NKAIN2: variants seen among roughly 807,000 people sequenced by gnomAD.
NKAIN2 encodes the protein sodium/potassium transporting ATPase interacting 2.
A neutral mutation model predicts 32.6 loss-of-function variants in NKAIN2; 14 were observed. That is an observed-to-expected ratio of 0.43 (90% CI 0.28 to 0.67). NKAIN2 has a LOEUF of 0.67. NKAIN2 is among the 30% of genes least tolerant of loss of function. NKAIN2 has a pLI of 0.17. For missense variants in NKAIN2, 198 were observed against 258.3 expected (o/e 0.77, Z 1.60); for synonymous variants, 80 against 87.2 (o/e 0.92, Z 0.46).
chr6:124,214,212 A>G (rs1791341277), intron 1 of NKAIN2, among the ~76,000 whole-genome samples: 1 of 152,172 alleles, frequency 6.6e-6, no homozygotes. Flanking sequence ...TTCGAAAGAG[A>G]TTAAGAAATA....
intron 4 of NKAIN2, among the ~76,000 whole-genome samples, chr6:124,728,904 C>T (rs1259792858): frequency 2.0e-5 from 3 of 151,108 alleles, no homozygotes; most frequent in Non-Finnish European, 4.4e-5. Context: ...GAAATACAAA[C>T]TACCATCAGA....
chr6:124,812,756 C>A (rs1290015877), intron 5 of NKAIN2, among the ~76,000 whole-genome samples: 1 of 151,730 alleles, frequency 6.6e-6, no homozygotes, highest in Non-Finnish European at 1.5e-5. Flanking sequence ...TTAAAAGCAG[C>A]AATATGCCCC....
At chr6:124,338,943 T>A (rs1224451399) in intron 2 of NKAIN2, among the ~76,000 whole-genome samples, 2 of 152,128 alleles carry the variant, frequency 1.3e-5, no homozygotes, top group African/African-American at 4.8e-5. Flanking sequence ...AGAGGTTAGG[T>A]GGGGAGAGAT....
At chr6:124,293,229 G>T (rs538262198) in intron 2 of NKAIN2, among the ~76,000 whole-genome samples, 39 of 151,780 alleles carry the variant, frequency 2.6e-4, no homozygotes, top group Middle Eastern at 3.5e-3. Context: ...TAAAATTTTT[G>T]GATGCATTGA....
At chr6:124,100,459 C>T (rs1784831919) in intron 1 of NKAIN2, among the ~76,000 whole-genome samples, 1 of 152,106 alleles carries the variant, frequency 6.6e-6, no homozygotes. Flanking sequence ...TTAGTGTTTA[C>T]AAGGAGCCAA....
At chr6:123,891,137 G>C (rs762638997) in intron 1 of NKAIN2, among the ~76,000 whole-genome samples, 9 of 152,126 alleles carry the variant, frequency 5.9e-5, no homozygotes, top group Admixed American at 2.0e-4. Flanking sequence ...GACTGGAATA[G>C]GCAAATTAAT....
intron 3 of NKAIN2, among the ~76,000 whole-genome samples, chr6:124,402,822 G>C (rs1015369540): frequency 6.6e-6 from 1 of 152,138 alleles, no homozygotes; most frequent in Non-Finnish European, 1.5e-5. Context: ...ATACAAGGAA[G>C]GTAAAGGTGG....
intron 3 of NKAIN2, among the ~76,000 whole-genome samples, chr6:124,526,690 A>G (rs927079609): frequency 3.3e-5 from 5 of 152,212 alleles, no homozygotes; most frequent in African/African-American, 1.2e-4. Flanking sequence ...ACCAGAAATT[A>G]TAACTCTCTT....
chr6:123,887,079 A>C (rs1440893404), intron 1 of NKAIN2, among the ~76,000 whole-genome samples: 1 of 152,138 alleles, frequency 6.6e-6, no homozygotes, highest in African/African-American at 2.4e-5. Flanking sequence ...CAACAAAGTT[A>C]ATTAGACTAT....
At chr6:124,729,845 A>G (rs1562350832) in intron 4 of NKAIN2, among the ~76,000 whole-genome samples, 1 of 151,930 alleles carries the variant, frequency 6.6e-6, no homozygotes, top group Non-Finnish European at 1.5e-5. Flanking sequence ...TAAGCTGATA[A>G]GCAACTTCAG....
At chr6:124,028,549 T>A (rs1359166849) in intron 1 of NKAIN2, among the ~76,000 whole-genome samples, 6 of 150,498 alleles carry the variant, frequency 4.0e-5, no homozygotes, top group African/African-American at 9.8e-5. Flanking sequence ...AAAATAAATT[T>A]TAAAAAAAAG....
chr6:123,849,723 C>A (rs1775236017), intron 1 of NKAIN2, among the ~76,000 whole-genome samples: 1 of 152,022 alleles, frequency 6.6e-6, no homozygotes, highest in South Asian at 2.1e-4. Flanking sequence ...GTAATATGGG[C>A]AGGGTGGCCA....
At chr6:124,498,905 A>T (rs140171633) in intron 3 of NKAIN2, among the ~76,000 whole-genome samples, 60 of 152,178 alleles carry the variant, frequency 3.9e-4, no homozygotes, top group Admixed American at 2.7e-3. Context: ...AACAATATTT[A>T]TATCTCTTTT....
intron 1 of NKAIN2, among the ~76,000 whole-genome samples, chr6:123,969,006 T>C (rs1008756248): frequency 1.3e-5 from 2 of 152,112 alleles, no homozygotes; most frequent in African/African-American, 4.8e-5. Flanking sequence ...TCCCCCCAGC[T>C]CATAGTCCCC....
chr6:124,304,812 G>T (rs1249806560), intron 2 of NKAIN2, among the ~76,000 whole-genome samples: 1 of 152,114 alleles, frequency 6.6e-6, no homozygotes, highest in African/African-American at 2.4e-5. Context: ...TAGTCAGGAG[G>T]CTGAGGCAGG....
At chr6:124,623,671 G>A (rs1442790697) in intron 3 of NKAIN2, among the ~76,000 whole-genome samples, 1 of 152,196 alleles carries the variant, frequency 6.6e-6, no homozygotes. Flanking sequence ...AAAGTCTAAG[G>A]AGGTGTGTTA....
chr6:124,495,383 T>TTTGTTGTTG (rs538949841), intron 3 of NKAIN2, among the ~76,000 whole-genome samples: 1 of 151,956 alleles, frequency 6.6e-6, no homozygotes, highest in African/African-American at 2.4e-5. Flanking sequence ...GTTTGTTTGC[T>TTTGTTGTTG]TTGTTGTTGT....
At chr6:123,814,216 A>G (rs1178397575) in intron 1 of NKAIN2, among the ~76,000 whole-genome samples, 2 of 152,174 alleles carry the variant, frequency 1.3e-5, no homozygotes, top group African/African-American at 4.8e-5. Context: ...ACTTAAAACA[A>G]TGTTTTAACA....
chr6:124,403,821 C>G (rs537823017), intron 3 of NKAIN2, among the ~76,000 whole-genome samples: 2 of 152,132 alleles, frequency 1.3e-5, no homozygotes, highest in African/African-American at 4.8e-5. Context: ...TTAAACACAT[C>G]CTTTGAATTA....
Sources: gnomAD v4.1 joint callset for allele counts (sites outside exome capture counted in the v4.1 genomes callset) on GRCh38, gnomAD v4.1.1 for gene constraint, MANE v1.5 for transcripts, NCBI Gene and HGNC (gene_info 2026-07-23, HGNC 2026-07-21) for gene names.